USH2A: variants seen among roughly 807,000 people sequenced by gnomAD.
USH2A encodes usherin.
USH2A carries 443 observed loss-of-function variants against 538.9 expected under a neutral mutation model. The observed-to-expected ratio is 0.82, with a 90% confidence interval of 0.76 to 0.89. USH2A has a LOEUF of 0.89. Ranked by LOEUF, USH2A falls within the 40% of genes least tolerant of loss-of-function variation. USH2A has a pLI of 0.00. For synonymous variants in USH2A, 2,413 were observed against 2,273.5 expected (o/e 1.06, Z -1.75); for missense variants, 6,633 against 6,324.8 (o/e 1.05, Z -1.65).
At chr1:216,268,165 C>A (rs1419928247) in intron 11 of USH2A, among the ~76,000 whole-genome samples, 1 of 151,984 alleles carries the variant, frequency 6.6e-6, no homozygotes, top group Non-Finnish European at 1.5e-5. Flanking sequence ...TGCTTATGCA[C>A]CATGCTATAT....
intron 35 of USH2A, among the ~76,000 whole-genome samples, chr1:215,984,384 C>T (rs1290536412): frequency 1.3e-5 from 2 of 152,198 alleles, no homozygotes. Flanking sequence ...TCTAGACATT[C>T]AGTTCTTCAA....
chr1:216,270,498 A>T (rs559398768), intron 11 of USH2A, among the ~76,000 whole-genome samples: 1 of 152,188 alleles, frequency 6.6e-6, no homozygotes, highest in African/African-American at 2.4e-5. Context: ...TGGAGAATTT[A>T]TTCTTTCACA....
At chr1:216,183,968 A>T (rs1386360573) in intron 20 of USH2A, among the ~76,000 whole-genome samples, 1 of 152,044 alleles carries the variant, frequency 6.6e-6, no homozygotes, top group Non-Finnish European at 1.5e-5. Flanking sequence ...TTACAAGTGT[A>T]AAATAATTTC....
intron 60 of USH2A, among the ~76,000 whole-genome samples, chr1:215,733,017 T>C (rs553933581): frequency 6.6e-6 from 1 of 152,288 alleles, no homozygotes; most frequent in African/African-American, 2.4e-5. Context: ...ACAAAAATAC[T>C]TGAGGTAAGC....
chr1:215,637,255 AAC>A, intron 69 of USH2A, among the ~76,000 whole-genome samples: 2 of 152,290 alleles, frequency 1.3e-5, no homozygotes, highest in East Asian at 3.9e-4. Context: ...GGCATCACTC[AAC>A]ACGTGGTTCT....
At chr1:216,048,413 G>T in intron 31 of USH2A, 121 bp downstream of exon 31, 1 of 984,428 alleles carries the variant, frequency 1.0e-6, no homozygotes. Context: ...GCCTGGCAAT[G>T]CACTTTGTCA....
intron 56 of USH2A, 29 bp from the exon 57 acceptor site, chr1:215,759,872 T>C: frequency 2.5e-6 from 4 of 1,613,646 alleles, no homozygotes; most frequent in Non-Finnish European, 3.4e-6. Context: ...TGAGGTTTTA[T>C]TGTTAGGAGA....
intron 21 of USH2A, among the ~76,000 whole-genome samples, chr1:216,135,265 C>T (rs1253799661): frequency 6.6e-6 from 1 of 151,114 alleles, no homozygotes; most frequent in Non-Finnish European, 1.5e-5. Flanking sequence ...CAACAAGGTG[C>T]TTATCTTCTC....
chr1:216,006,689 C>T (rs919566852), intron 32 of USH2A, among the ~76,000 whole-genome samples: 1 of 152,094 alleles, frequency 6.6e-6, no homozygotes, highest in Admixed American at 6.6e-5. Context: ...TTTCCTTCTT[C>T]TCCTTTCATA....
intron 36 of USH2A, among the ~76,000 whole-genome samples, chr1:215,966,962 T>C (rs1337006091): frequency 6.6e-6 from 1 of 152,216 alleles, no homozygotes; most frequent in African/African-American, 2.4e-5. Flanking sequence ...ACATTGAATT[T>C]GGCAATTGTA....
intron 21 of USH2A, among the ~76,000 whole-genome samples, chr1:216,152,980 C>T (rs1291790511): frequency 6.6e-6 from 1 of 152,114 alleles, no homozygotes; most frequent in Non-Finnish European, 1.5e-5. Flanking sequence ...AGAAAAGGAG[C>T]ATCTGAACAT....
At chr1:215,841,858 A>G (rs1663686296) in intron 46 of USH2A, among the ~76,000 whole-genome samples, 1 of 152,082 alleles carries the variant, frequency 6.6e-6, no homozygotes. Flanking sequence ...AGAAAAAACA[A>G]CCCCATCAAA....
intron 3 of USH2A, among the ~76,000 whole-genome samples, chr1:216,365,458 G>T (rs1157654495): frequency 5.3e-5 from 8 of 152,066 alleles, no homozygotes; most frequent in Non-Finnish European, 1.2e-4. Flanking sequence ...ACAAGGGAAA[G>T]AAATAATTAA....
chr1:216,244,644 T>C (rs1275628860), intron 13 of USH2A, among the ~76,000 whole-genome samples: 1 of 151,642 alleles, frequency 6.6e-6, no homozygotes, highest in Admixed American at 6.6e-5. Flanking sequence ...GTAGATTAAA[T>C]TATCCATGGC....
rs777750689 is a variant in USH2A, at chr1:215,879,107, A to G, written c.8224-9T>C. The G allele has an allele frequency of 3.1e-6, 5 of 1,609,170 alleles. No homozygotes were observed. In the Admixed American group the frequency reaches 8.3e-5, roughly 27 times the overall value. ...GGGGGTTTCCAAGTGACCTGAAATG[A>G]AAGATAAACTTAGAATCAGTGTGAC... On this transcript the variant is annotated splice_polypyrimidine_tract_variant and intron_variant, in intron 41 of 71. Transcript: ENST00000307340.
At chr1:216,281,792 T>G (rs1420557017) in intron 11 of USH2A, among the ~76,000 whole-genome samples, 1 of 151,858 alleles carries the variant, frequency 6.6e-6, no homozygotes. Flanking sequence ...TCGGTGCACA[T>G]TTTACATTCT....
chr1:216,096,160 T>G (rs2032436920), intron 22 of USH2A, among the ~76,000 whole-genome samples: 1 of 152,214 alleles, frequency 6.6e-6, no homozygotes, highest in Admixed American at 6.5e-5. Flanking sequence ...TCCTCACATT[T>G]GCTTACAAGG....
intron 55 of USH2A, among the ~76,000 whole-genome samples, chr1:215,774,713 G>T (rs138783975): frequency 1.3e-5 from 2 of 152,110 alleles, no homozygotes; most frequent in African/African-American, 2.4e-5. Context: ...CAGAGGGAAG[G>T]GGGTGGCCAG....
At chr1:215,999,683 C>T (rs1668220152) in intron 33 of USH2A, among the ~76,000 whole-genome samples, 1 of 152,084 alleles carries the variant, frequency 6.6e-6, no homozygotes, top group African/African-American at 2.4e-5. Flanking sequence ...TGAGAAACAC[C>T]TGAGTCGTGG....
Sources: allele counts gnomAD v4.1 joint callset (sites outside exome capture counted in the v4.1 genomes callset), GRCh38; gene constraint gnomAD v4.1.1; transcripts MANE v1.5; gene names NCBI Gene and HGNC (gene_info 2026-07-23, HGNC 2026-07-21).